Variants in CACNA1E observed in about 807,000 individuals in gnomAD.
CACNA1E encodes calcium voltage-gated channel subunit alpha1 E, also known as voltage-dependent R-type calcium channel subunit alpha-1E.
A neutral mutation model predicts 259.2 loss-of-function variants in CACNA1E; 40 were observed. The observed-to-expected ratio is 0.15, with a 90% CI of 0.12 to 0.20. The LOEUF (loss-of-function observed/expected upper bound fraction) is 0.20, where lower values mean the gene tolerates loss of function less well. Ranked by LOEUF, CACNA1E falls within the 10% of genes least tolerant of loss-of-function variation. The pLI, the probability that CACNA1E is intolerant of heterozygous loss-of-function variation, is 1.00. For missense variants in CACNA1E, 1,874 were observed against 3,040.1 expected, an observed-to-expected ratio of 0.62 and a Z score of 9.02; for synonymous variants, 1,104 against 1,138.5, an observed-to-expected ratio of 0.97 and a Z score of 0.61.
chr1:181,389,158 C>T (rs1247785974), intron 1 of CACNA1E, among the ~76,000 whole-genome samples: 2 of 106,946 alleles, frequency 1.9e-5, no homozygotes, highest in African/African-American at 5.4e-5. Context: ...ACCAAGCTTA[C>T]GTAACGTGTA....
At chr1:181,790,756 G>A (rs563294684) in intron 44 of CACNA1E, among the ~76,000 whole-genome samples, 200 bp downstream of exon 44, 2 of 152,318 alleles carry the variant, frequency 1.3e-5, no homozygotes, top group East Asian at 3.9e-4. Context: ...AGGTTTTACA[G>A]TCCCAGAGGT....
chr1:181,551,645 A>C (rs2102841388), intron 3 of CACNA1E, among the ~76,000 whole-genome samples: 1 of 152,132 alleles, frequency 6.6e-6, no homozygotes, highest in South Asian at 2.1e-4. Flanking sequence ...TGTGCAGGGG[A>C]GAGTGGCTGG....
At chr1:181,789,933 A>C (rs1661152469) in intron 43 of CACNA1E, among the ~76,000 whole-genome samples, 1 of 152,162 alleles carries the variant, frequency 6.6e-6, no homozygotes, top group Non-Finnish European at 1.5e-5. Context: ...CAACAGACTT[A>C]ATGTATGGTA....
rs12045458 is a variant in CACNA1E at position 181,802,856 on chromosome 1, A to G, written c.*4022A>G. ...TCTGGATGTTTCATTTTTTTGGACA[A>G]AGTGTTTCTTTAGTGGTTGGGGCCA... On this transcript the variant is annotated 3_prime_UTR_variant, in exon 48 of 48. Coordinates refer to ENST00000367573, the MANE Select transcript of CACNA1E (RefSeq NM_001205293.3). The G allele has an allele frequency of 0.17, 25,656 of 152,120 alleles. 2,610 individuals are homozygous for G. The highest frequency in any genetic ancestry group is 0.22 in the Admixed American group (3,372 of 15,280). The allele number at this position is 152,120 out of a possible 1,614,324, so 9.4% of individuals were successfully genotyped here.
At chr1:181,512,960 T>A (rs543385679) in intron 3 of CACNA1E, among the ~76,000 whole-genome samples, 2 of 152,236 alleles carry the variant, frequency 1.3e-5, no homozygotes, top group African/African-American at 4.8e-5. Flanking sequence ...AAGAGGCCTG[T>A]ATGAGAATCT....
At chr1:181,695,168 C>G (rs1651573605) in intron 7 of CACNA1E, among the ~76,000 whole-genome samples, 1 of 152,136 alleles carries the variant, frequency 6.6e-6, no homozygotes, top group Non-Finnish European at 1.5e-5. Flanking sequence ...AGAAATAAAT[C>G]TGACAAAAGA....
intron 7 of CACNA1E, among the ~76,000 whole-genome samples, chr1:181,705,330 A>C (rs1652687911): frequency 1.3e-5 from 2 of 152,232 alleles, no homozygotes; most frequent in Admixed American, 6.5e-5. Context: ...AATTATATAG[A>C]ATTAGCTGTG....
At chr1:181,638,043 T>C (rs1460778246) in intron 6 of CACNA1E, among the ~76,000 whole-genome samples, 2 of 152,092 alleles carry the variant, frequency 1.3e-5, no homozygotes, top group African/African-American at 4.8e-5. Flanking sequence ...CATGGGCAAA[T>C]TCCCATTTCA....
chr1:181,747,417 C>T (rs113149529), intron 25 of CACNA1E, among the ~76,000 whole-genome samples: 2 of 149,866 alleles, frequency 1.3e-5, no homozygotes, highest in African/African-American at 4.9e-5. Context: ...GGAAAATTCT[C>T]GTCTTTTACT....
intron 3 of CACNA1E, among the ~76,000 whole-genome samples, chr1:181,561,552 C>T (rs1340843255): frequency 1.3e-5 from 2 of 152,160 alleles, no homozygotes; most frequent in African/African-American, 4.8e-5. Context: ...AGTCTACAGC[C>T]TTTTTGGCTT....
At chr1:181,434,656 A>T (rs1317031334) in intron 2 of CACNA1E, among the ~76,000 whole-genome samples, 1 of 152,162 alleles carries the variant, frequency 6.6e-6, no homozygotes, top group East Asian at 1.9e-4. Context: ...CAAGTTAAAG[A>T]CCTTGAAGTG....
At chr1:181,424,825 C>A (rs931617525) in intron 2 of CACNA1E, among the ~76,000 whole-genome samples, 7 of 152,048 alleles carry the variant, frequency 4.6e-5, no homozygotes, top group African/African-American at 1.5e-4. Context: ...GCCGGATCGG[C>A]CCGTTCTGTG....
intron 7 of CACNA1E, among the ~76,000 whole-genome samples, chr1:181,679,420 G>T (rs1451657254): frequency 6.6e-6 from 1 of 152,088 alleles, no homozygotes; most frequent in Non-Finnish European, 1.5e-5. Flanking sequence ...GCTGCCCCTC[G>T]GAAAATGCAC....
chr1:181,434,324 A>G (rs1287169615), intron 2 of CACNA1E, among the ~76,000 whole-genome samples: 1 of 151,940 alleles, frequency 6.6e-6, no homozygotes, highest in Non-Finnish European at 1.5e-5. Context: ...AAGTGGCTTA[A>G]TTTTTTTTAC....
chr1:181,330,056 C>T (rs922941659), intron 1 of CACNA1E, among the ~76,000 whole-genome samples: 6 of 152,178 alleles, frequency 3.9e-5, no homozygotes, highest in East Asian at 1.9e-4. Flanking sequence ...TGAGCTAAGA[C>T]GTAGCATTGT....
intron 34 of CACNA1E, among the ~76,000 whole-genome samples, chr1:181,766,186 T>C (rs1659008139): frequency 6.6e-6 from 1 of 152,192 alleles, no homozygotes; most frequent in Admixed American, 6.5e-5. Flanking sequence ...GCTTCATATT[T>C]AATTTGCATC....
chr1:181,361,385 A>G (rs937358049), intron 1 of CACNA1E, among the ~76,000 whole-genome samples: 1 of 152,180 alleles, frequency 6.6e-6, no homozygotes. Context: ...TCAGTCTTCT[A>G]CTTTGGGCAG....
At chr1:181,733,850 G>A (rs1655772589) in intron 21 of CACNA1E, 100 bp downstream of exon 21, 1 of 854,252 alleles carries the variant, frequency 1.2e-6, no homozygotes, top group Admixed American at 3.9e-5. Flanking sequence ...ACCAGGAGGA[G>A]TAAATCATCC....
At chr1:181,713,136 A>AG (rs1653551189) in intron 8 of CACNA1E, among the ~76,000 whole-genome samples, 1 of 152,120 alleles carries the variant, frequency 6.6e-6, no homozygotes. Flanking sequence ...GTGAGGAGGA[A>AG]GGGGGATGGC....
Sources: gnomAD v4.1 joint callset for allele counts (sites outside exome capture counted in the v4.1 genomes callset) on GRCh38, gnomAD v4.1.1 for gene constraint, MANE v1.5 for transcripts, NCBI Gene and HGNC (gene_info 2026-07-23, HGNC 2026-07-21) for gene names.